PTGIS: variants seen among roughly 807,000 people sequenced by gnomAD.
The protein encoded by PTGIS is prostacyclin synthase.
In PTGIS, 45 loss-of-function variants were observed where a neutral mutation model predicts 50.3. The observed-to-expected ratio is 0.90, with a 90% confidence interval of 0.70 to 1.15. PTGIS has a LOEUF of 1.15. Ranked by LOEUF, PTGIS falls within the 50% of genes most tolerant of loss-of-function variation. PTGIS has a pLI of 0.00. For missense variants in PTGIS, 668 were observed against 661.3 expected (o/e 1.01, Z -0.11); for synonymous variants, 260 against 267.7 (o/e 0.97, Z 0.28).
chr20:49,564,408 C>T (rs1406732234), intron 1 of PTGIS, among the ~76,000 whole-genome samples: 4 of 152,198 alleles, frequency 2.6e-5, no homozygotes, highest in East Asian at 1.9e-4. Context: ...CCTGCCACCA[C>T]GCCTGGCTAA....
rs770157395 is a variant in PTGIS, at chr20:49,544,404, T to C, written c.422A>G (p.Tyr141Cys). ...CAACAGCACTGCATGGAGGTTGGTA[T>C]ACATGGCTTCTGTGAGTGCCTGGAG... ...RELQALTEAMYTNLHAVLLGD... is the reference protein window; with the variant it reads ...RELQALTEAMCTNLHAVLLGD... The change falls in exon 4 of 10, where the codon TAT (tyrosine) becomes TGT (cysteine). Residue 141 changes from tyrosine (Y) to cysteine (C), a missense_variant. By Grantham distance (194) the Tyr-to-Cys change is radical. Transcript: ENST00000244043. 14 of 1,613,952 alleles carry C rather than the reference T, an allele frequency of 8.7e-6. No homozygotes were observed. The Admixed American group carries it at 1.7e-4, about 19-fold the overall frequency.
chr20:49,559,134 C>T (rs145064230), intron 1 of PTGIS, among the ~76,000 whole-genome samples: 1,800 of 152,226 alleles, frequency 0.012, 33 homozygotes, highest in African/African-American at 0.04. Flanking sequence ...AAACATCCTG[C>T]TGTCCCGATA....
intron 9 of PTGIS, among the ~76,000 whole-genome samples, 173 bp downstream of exon 9, chr20:49,510,855 A>T (rs1179588400): frequency 1.3e-5 from 2 of 152,198 alleles, no homozygotes; most frequent in Admixed American, 1.3e-4. Flanking sequence ...AGCTCTTCTG[A>T]TTTATAAAAG....
chr20:49,564,978 T>C (rs2122912037), intron 1 of PTGIS, among the ~76,000 whole-genome samples: 1 of 150,660 alleles, frequency 6.6e-6, no homozygotes, highest in Middle Eastern at 3.4e-3. Flanking sequence ...TGCCCTTTTT[T>C]TTTTTTTTTT....
In PTGIS at chr20:49,514,927, G is replaced by T. The variant is rs114700519; in HGVS notation, c.856-532C>A. Among the ~76,000 whole-genome samples, 425 of 152,326 alleles carry T rather than the reference G, an allele frequency of 2.8e-3. 1 individual carries two copies. Among genetic ancestry groups the T allele is most frequent in the African/African-American group, 9.7e-3 (405 of 41,578 alleles). On this transcript the variant is annotated intron_variant, in intron 6 of 9. Coordinates refer to ENST00000244043, the MANE Select transcript of PTGIS (RefSeq NM_000961.4). ...GCCACTCTACGCCTAAGCCGCGAGA[G>T]ACTTTGTGTTTCCACTTGCTCGGCA...
rs199876310 is a variant in PTGIS at position 49,513,256 on chromosome 20, C to G, written c.1030G>C (p.Val344Leu). The change falls in exon 8 of 10, where the codon GTG becomes CTG. Residue 344 changes from valine to leucine, a missense_variant. Physicochemically the swap from Val to Leu is conservative, Grantham distance 32 (BLOSUM62 1). Transcript: ENST00000244043. ...GTAAGCCTGAGGCTCTCACTCAGCA[C>G]GCTATCTGCATGGGGCAGGTGCAAG... ...VLDSTPVLDS[V>L]LSESLRLTAA... is the part of the protein sequence containing the mutation. 5.0e-6 allele frequency: 8 copies of G among 1,613,284 alleles called. No homozygotes were observed. Among genetic ancestry groups the G allele is most frequent in the South Asian group, 2.2e-5 (2 of 91,060 alleles).
intron 6 of PTGIS, among the ~76,000 whole-genome samples, chr20:49,519,711 C>T (rs1371270696): frequency 6.6e-6 from 1 of 152,052 alleles, no homozygotes; most frequent in African/African-American, 2.4e-5. Context: ...AGCCCAACCC[C>T]CGATCTTCTC....
intron 6 of PTGIS, among the ~76,000 whole-genome samples, chr20:49,517,427 T>A (rs1981515214): frequency 1.3e-5 from 2 of 151,524 alleles, no homozygotes; most frequent in Non-Finnish European, 2.9e-5. Context: ...GACCGCCTTT[T>A]ACCCAACTGC....
chr20:49,537,512 T>C (rs1282850822), intron 5 of PTGIS, among the ~76,000 whole-genome samples: 1 of 152,172 alleles, frequency 6.6e-6, no homozygotes, highest in Non-Finnish European at 1.5e-5. Flanking sequence ...CCCAACACTT[T>C]GGGAGGCCGA....
chr20:49,530,629 C>T (rs1253292970), intron 5 of PTGIS, among the ~76,000 whole-genome samples: 1 of 152,122 alleles, frequency 6.6e-6, no homozygotes, highest in Non-Finnish European at 1.5e-5. Context: ...GTGATATCTC[C>T]TTGTGATTTT....
chr20:49,520,269 C>T (rs531650277), intron 6 of PTGIS, among the ~76,000 whole-genome samples: 2 of 152,298 alleles, frequency 1.3e-5, no homozygotes, highest in East Asian at 3.9e-4. Flanking sequence ...TGTCACCTTT[C>T]AGTGAGGCCT....
In PTGIS at chr20:49,514,276, C is replaced by T. The variant is rs140787750; in HGVS notation, c.975G>A (p.Ser325=). 57 of 1,614,062 alleles carry T rather than the reference C, an allele frequency of 3.5e-5. No homozygotes were observed. Among genetic ancestry groups the T allele is most frequent in the South Asian group, 1.6e-4 (15 of 91,080 alleles). ...SILWQAEQPV[S]QTTTLPQKVL... ...CCTTCTGTGGGAGAGTGGTCGTCTG[C>T]GAGACAGGCTGCTCCGCTTGCCAAA... The change falls in exon 7 of 10, where the codon TCG becomes TCA. Residue 325 remains serine, a synonymous_variant. Transcript: ENST00000244043.
intron 5 of PTGIS, among the ~76,000 whole-genome samples, chr20:49,533,677 C>T (rs1981992302): frequency 6.6e-6 from 1 of 152,110 alleles, no homozygotes; most frequent in Admixed American, 6.6e-5. Flanking sequence ...TTAAAAATGG[C>T]CGGGTGTGGT....
chr20:49,556,911 T>C (rs1289876201), intron 1 of PTGIS, among the ~76,000 whole-genome samples: 1 of 152,172 alleles, frequency 6.6e-6, no homozygotes, highest in African/African-American at 2.4e-5. Context: ...GTGAAATCAC[T>C]AAAAGTTAAG....
chr20:49,549,751 T>C (rs548505038), intron 2 of PTGIS, among the ~76,000 whole-genome samples: 2 of 152,196 alleles, frequency 1.3e-5, no homozygotes, highest in Admixed American at 6.5e-5. Flanking sequence ...GGAAGATGGA[T>C]GTTGAACGGA....
rs1356351114 is a variant in PTGIS, at chr20:49,513,194, G to T, written c.1092C>A (p.Asp364Glu). Residue 364 changes from aspartate to glutamate, a missense_variant, in exon 8 of 10, where the codon GAC becomes GAA. Coordinates refer to ENST00000244043, the MANE Select transcript of PTGIS (RefSeq NM_000961.4). ...APFITREVVV[D>E]LAMPMADGRE... ...GCCCGTCTGCCATGGGCATGGCCAG[G>T]TCCACCACAACCTCGCGGGTGATGA... is the stretch of plus-strand genomic sequence containing the variant. 1.2e-6 allele frequency: 2 copies of T among 1,614,032 alleles called. No homozygotes were observed. Among genetic ancestry groups the T allele is most frequent in the African/African-American group, 2.7e-5 (2 of 74,932 alleles).
intron 6 of PTGIS, among the ~76,000 whole-genome samples, chr20:49,520,894 G>C (rs541056459): frequency 1.3e-5 from 2 of 152,298 alleles, no homozygotes; most frequent in East Asian, 3.9e-4. Flanking sequence ...GCCCAGGCTG[G>C]TCTTGAACTC....
At chr20:49,547,775 G>T in intron 3 of PTGIS, 66 bp downstream of exon 3, 2 of 1,537,302 alleles carry the variant, frequency 1.3e-6, no homozygotes, top group Non-Finnish European at 9.0e-7. Flanking sequence ...GAATAACTTG[G>T]GCCACATGAG....
chr20:49,547,729 C>A (rs1982397334), intron 3 of PTGIS, 112 bp downstream of exon 3: 1 of 1,271,192 alleles, frequency 7.9e-7, no homozygotes, highest in Non-Finnish European at 1.1e-6. Context: ...GTTCTCAAGA[C>A]AAAATGTCTT....
Sources: allele counts gnomAD v4.1 joint callset (sites outside exome capture counted in the v4.1 genomes callset), GRCh38; gene constraint gnomAD v4.1.1; transcripts MANE v1.5; gene names NCBI Gene and HGNC (gene_info 2026-07-23, HGNC 2026-07-21).